SEMA3D: variants seen among roughly 807,000 people sequenced by gnomAD.
The protein encoded by SEMA3D is semaphorin-3D.
In SEMA3D, 84 loss-of-function variants were observed where a neutral mutation model predicts 100.1. The ratio of observed to expected loss-of-function variants is 0.84; its 90% confidence interval spans 0.70 to 1.01. SEMA3D has a LOEUF of 1.01. Among genes scored for constraint, SEMA3D ranks in the 50% least tolerant of loss-of-function variants. The pLI, the probability that SEMA3D is intolerant of heterozygous loss-of-function variation, is 0.00. For synonymous variants in SEMA3D, 312 were observed against 320.7 expected, an observed-to-expected ratio of 0.97 and a Z score of 0.29; for missense variants, 875 against 934.1, an observed-to-expected ratio of 0.94 and a Z score of 0.82.
intron 3 of SEMA3D, 123 bp from the exon 4 acceptor site, chr7:85,098,088 GAAAA>G (rs1323204491): frequency 8.8e-6 from 5 of 564,990 alleles, no homozygotes; most frequent in Middle Eastern, 5.2e-4. Context: ...AAGAAAGAAA[GAAAA>G]AAGAAAGAAA....
chr7:85,223,538 T>G, the SEMA3D span, among the ~76,000 whole-genome samples: 1 of 148,766 alleles, frequency 6.7e-6, no homozygotes, highest in African/African-American at 2.5e-5. Context: ...TATCATATAT[T>G]TGTGTGTGTG....
rs1177093393 is a variant in SEMA3D at position 85,176,130 on chromosome 7, C to A, written c.-173+10548G>T. ...AAGTGAGTTGCACATACCTAGTGTG[C>A]AAATTGAGTATGCATTTAAAAAGTT... On this transcript the variant is annotated intron_variant, in intron 1 of 18. Coordinates refer to ENST00000284136, the MANE Select transcript of SEMA3D (RefSeq NM_001384900.1). Among the ~76,000 whole-genome samples the A allele has an allele frequency of 2.6e-5, 4 of 152,114 alleles. No individual in the cohort carries two copies. The East Asian group carries it at 7.7e-4, about 29-fold the overall frequency.
chr7:85,174,141 T>C (rs548373620), intron 1 of SEMA3D, among the ~76,000 whole-genome samples: 1 of 152,266 alleles, frequency 6.6e-6, no homozygotes, highest in East Asian at 1.9e-4. Context: ...TAATTAAGCA[T>C]AGGCTGTGAG....
chr7:85,013,602 G>A (rs1790018603), intron 16 of SEMA3D, among the ~76,000 whole-genome samples: 1 of 151,654 alleles, frequency 6.6e-6, no homozygotes, highest in Non-Finnish European at 1.5e-5. Flanking sequence ...TCACTTCAGA[G>A]ATCAGAAAAG....
chr7:85,164,046 G>A (rs1378612745), intron 1 of SEMA3D, among the ~76,000 whole-genome samples: 1 of 151,938 alleles, frequency 6.6e-6, no homozygotes, highest in Non-Finnish European at 1.5e-5. Flanking sequence ...AGACTCTTTT[G>A]GAAAACTTTT....
intron 1 of SEMA3D, among the ~76,000 whole-genome samples, chr7:85,177,308 G>T (rs1186526974): frequency 1.3e-5 from 2 of 152,044 alleles, no homozygotes; most frequent in East Asian, 3.9e-4. Flanking sequence ...AGTTATTTTG[G>T]GGGGAGGTAG....
At chr7:85,242,914 G>A in the SEMA3D span, among the ~76,000 whole-genome samples, 3 of 152,130 alleles carry the variant, frequency 2.0e-5, no homozygotes, top group Admixed American at 6.6e-5. Flanking sequence ...ACATAGACAT[G>A]ATGTAGTAGA....
chr7:85,027,971 A>C (rs1790437170), intron 12 of SEMA3D: 2 of 577,278 alleles, frequency 3.5e-6, no homozygotes, highest in South Asian at 2.9e-5. Flanking sequence ...CGGATACCAA[A>C]CAATTGATTA....
chr7:85,217,098 T>C, the SEMA3D span, among the ~76,000 whole-genome samples: 1 of 152,100 alleles, frequency 6.6e-6, no homozygotes, highest in Non-Finnish European at 1.5e-5. Context: ...GCACATCATA[T>C]ATAAAGACAT....
At chr7:85,063,113 CT>C (rs1445795474) in intron 8 of SEMA3D, among the ~76,000 whole-genome samples, 6 of 152,066 alleles carry the variant, frequency 3.9e-5, no homozygotes, top group African/African-American at 1.4e-4. Context: ...TAATTTTATC[CT>C]TATAACGCCC....
At chr7:85,140,771 G>A (rs1032574815) in intron 2 of SEMA3D, 35 of 970,168 alleles carry the variant, frequency 3.6e-5, no homozygotes, top group Non-Finnish European at 4.2e-5. Context: ...ATGAATTAAT[G>A]TATATTTTGC....
chr7:85,124,977 C>A (rs1467241887), intron 2 of SEMA3D, among the ~76,000 whole-genome samples: 1 of 152,078 alleles, frequency 6.6e-6, no homozygotes, highest in Non-Finnish European at 1.5e-5. Flanking sequence ...TCCATTATTT[C>A]TTGTATTCAC....
At chr7:85,188,419 A>AT (rs1003828125), upstream of SEMA3D, among the ~76,000 whole-genome samples, 2 of 151,512 alleles carry the variant, frequency 1.3e-5, no homozygotes, top group African/African-American at 2.4e-5. Flanking sequence ...AGCAACTTTT[A>AT]TTTTTTTTCT....
At chr7:85,246,959 AT>A in the SEMA3D span, among the ~76,000 whole-genome samples, 721 of 152,112 alleles carry the variant, frequency 4.7e-3, 10 homozygotes, top group African/African-American at 0.016. Context: ...TAAAAAAAAA[AT>A]AATGCTGAAA....
At chr7:85,202,218 C>T in the SEMA3D span, among the ~76,000 whole-genome samples, 3 of 107,648 alleles carry the variant, frequency 2.8e-5, no homozygotes, top group African/African-American at 1.1e-4. Context: ...CTCCCCCCAC[C>T]CCACAACAGT....
chr7:85,026,656 C>T (rs1303625437), intron 12 of SEMA3D, among the ~76,000 whole-genome samples: 1 of 152,016 alleles, frequency 6.6e-6, no homozygotes, highest in Non-Finnish European at 1.5e-5. Flanking sequence ...TGGTCAGTTA[C>T]ACCTATGTTT....
chr7:85,196,934 A>AT, the SEMA3D span, among the ~76,000 whole-genome samples: 4 of 152,070 alleles, frequency 2.6e-5, no homozygotes, highest in Non-Finnish European at 2.9e-5. Context: ...CTAAACTCTG[A>AT]TTTTTTTATC....
At chr7:85,169,693 T>C (rs1039474200) in intron 1 of SEMA3D, among the ~76,000 whole-genome samples, 1 of 151,872 alleles carries the variant, frequency 6.6e-6, no homozygotes, top group Non-Finnish European at 1.5e-5. Context: ...TGTTTCATTA[T>C]TTATTTAAAC....
the SEMA3D span, among the ~76,000 whole-genome samples, chr7:85,236,632 T>C: frequency 6.6e-6 from 1 of 152,116 alleles, no homozygotes. Flanking sequence ...ATGCTTTGTT[T>C]TGAATTTTTA....
Sources: allele counts gnomAD v4.1 joint callset (sites outside exome capture counted in the v4.1 genomes callset), GRCh38; gene constraint gnomAD v4.1.1; transcripts MANE v1.5; gene names NCBI Gene and HGNC (gene_info 2026-07-23, HGNC 2026-07-21).